Variants in AOPEP observed in about 807,000 individuals in gnomAD.
AOPEP encodes aminopeptidase O (putative), also known as aminopeptidase O.
AOPEP carries 77 observed loss-of-function variants against 98.1 expected under a neutral mutation model. That is an observed-to-expected ratio of 0.78 (90% CI 0.65 to 0.95). The LOEUF (loss-of-function observed/expected upper bound fraction) is 0.95, where lower values mean the gene tolerates loss of function less well. AOPEP is among the 40% of genes least tolerant of loss of function. AOPEP has a pLI of 0.00. For synonymous variants in AOPEP, 346 were observed against 365.3 expected, an observed-to-expected ratio of 0.95 and a Z score of 0.60; for missense variants, 1,024 against 1,024.7, an observed-to-expected ratio of 1.00 and a Z score of 0.01.
intron 9 of AOPEP, among the ~76,000 whole-genome samples, chr9:94,957,082 GAC>G (rs2058510116): frequency 6.6e-6 from 1 of 152,196 alleles, no homozygotes; most frequent in African/African-American, 2.4e-5. Flanking sequence ...CTCACCAAGA[GAC>G]TGCAGTGTTA....
chr9:95,052,121 C>T (rs2066430590), intron 13 of AOPEP, among the ~76,000 whole-genome samples: 1 of 152,142 alleles, frequency 6.6e-6, no homozygotes, highest in South Asian at 2.1e-4. Context: ...TTAATAAATT[C>T]TTTTAAATCA....
intron 11 of AOPEP, among the ~76,000 whole-genome samples, chr9:94,999,060 T>C (rs1175848475): frequency 6.6e-6 from 1 of 152,130 alleles, no homozygotes; most frequent in African/African-American, 2.4e-5. Context: ...TTCTAAACGT[T>C]GTTAATGGAG....
intron 9 of AOPEP, among the ~76,000 whole-genome samples, chr9:94,963,438 T>G (rs1448571390): frequency 6.6e-6 from 1 of 152,188 alleles, no homozygotes; most frequent in African/African-American, 2.4e-5. Flanking sequence ...CTGTATGCGA[T>G]GGACCTGATT....
At chr9:94,755,244 C>A (rs1336647379) in intron 1 of AOPEP, among the ~76,000 whole-genome samples, 1 of 152,120 alleles carries the variant, frequency 6.6e-6, no homozygotes, top group Non-Finnish European at 1.5e-5. Context: ...TGAATTGGAG[C>A]ACAGTAATAG....
At chr9:94,885,462 C>T (rs550666070) in intron 5 of AOPEP, among the ~76,000 whole-genome samples, 1 of 144,902 alleles carries the variant, frequency 6.9e-6, no homozygotes, top group South Asian at 2.3e-4. Context: ...TTACTGAATG[C>T]ACGTGGCTAA....
At chr9:95,053,827 C>T (rs1047617585) in intron 13 of AOPEP, among the ~76,000 whole-genome samples, 6 of 152,122 alleles carry the variant, frequency 3.9e-5, no homozygotes, top group African/African-American at 1.4e-4. Flanking sequence ...TCAGATGATC[C>T]TCCCACTTCA....
At chr9:94,928,269 A>G (rs1197048825) in intron 6 of AOPEP, among the ~76,000 whole-genome samples, 156 bp from the exon 7 acceptor site, 1 of 152,212 alleles carries the variant, frequency 6.6e-6, no homozygotes, top group Non-Finnish European at 1.5e-5. Flanking sequence ...TTTAGGCACT[A>G]AGAGGCTCCA....
intron 13 of AOPEP, among the ~76,000 whole-genome samples, chr9:95,012,991 G>GT (rs1044752747): frequency 1.4e-5 from 2 of 139,702 alleles, no homozygotes; most frequent in South Asian, 2.5e-4. Flanking sequence ...TTTTTTTGGG[G>GT]GGGGGGGCAG....
the AOPEP span, among the ~76,000 whole-genome samples, chr9:95,095,789 C>T: frequency 1.3e-5 from 2 of 152,146 alleles, no homozygotes; most frequent in East Asian, 3.9e-4. Context: ...AGCTCCCCTT[C>T]CTCCCTCCAA....
chr9:94,932,065 C>T (rs72750310), intron 7 of AOPEP: 12 of 1,111,548 alleles, frequency 1.1e-5, no homozygotes, highest in Middle Eastern at 3.8e-4. Flanking sequence ...AACCCAGGGA[C>T]GGAAACTCTT....
chr9:95,126,777 G>A, the AOPEP span: 1 of 602,932 alleles, frequency 1.7e-6, no homozygotes, highest in South Asian at 1.8e-5. Context: ...CCCTGGGCAG[G>A]GGTTACAGGC....
intron 11 of AOPEP, among the ~76,000 whole-genome samples, chr9:94,997,859 A>G (rs2061336851): frequency 6.6e-6 from 1 of 151,902 alleles, no homozygotes; most frequent in Admixed American, 6.6e-5. Flanking sequence ...GTGCCCAGCT[A>G]ATTTTTTATT....
chr9:94,854,105 T>C (rs965726324), intron 5 of AOPEP, among the ~76,000 whole-genome samples: 1 of 152,124 alleles, frequency 6.6e-6, no homozygotes, highest in Non-Finnish European at 1.5e-5. Context: ...GTAAGTTGGG[T>C]CAGTGGCAAC....
intron 13 of AOPEP, among the ~76,000 whole-genome samples, chr9:95,028,339 C>T (rs1012622566): frequency 2.1e-4 from 32 of 152,246 alleles, no homozygotes; most frequent in African/African-American, 6.3e-4. Context: ...GCTTTGTGAT[C>T]GGGGTGCTTT....
chr9:95,005,631 GACGGT>G lies in AOPEP; in HGVS notation c.2115+18_2115+22del. On this transcript the variant is annotated intron_variant, in intron 13 of 16. Transcript: ENST00000375315. ...TGTTTGAAAAGGTAGGGGTTCCCGA[GACGGT>G]ACTCGGTGCAGGTCTTGGTAAATCC... is the stretch of plus-strand genomic sequence containing the variant. 1 of 1,611,360 alleles carries G rather than the reference GACGGT, an allele frequency of 6.2e-7. No homozygotes were observed. The highest frequency in any genetic ancestry group is 8.5e-7 in the Non-Finnish European group (1 of 1,177,522).
chr9:94,868,452 G>A (rs925873105), intron 5 of AOPEP, among the ~76,000 whole-genome samples: 4 of 152,176 alleles, frequency 2.6e-5, no homozygotes, highest in Admixed American at 2.6e-4. Flanking sequence ...CGTGCATTGA[G>A]GGTCCACTGG....
chr9:94,840,282 A>G (rs1447413210), intron 5 of AOPEP, among the ~76,000 whole-genome samples: 2 of 152,190 alleles, frequency 1.3e-5, no homozygotes, highest in Non-Finnish European at 2.9e-5. Context: ...TAGGCTGTCA[A>G]TATGTTGGAT....
At chr9:94,865,780 C>T (rs1010996323) in intron 5 of AOPEP, among the ~76,000 whole-genome samples, 1 of 152,206 alleles carries the variant, frequency 6.6e-6, no homozygotes, top group Non-Finnish European at 1.5e-5. Context: ...TGACCTAAAA[C>T]AGACAGATGT....
intron 7 of AOPEP, among the ~76,000 whole-genome samples, chr9:94,951,943 C>G (rs2058127988): frequency 6.6e-6 from 1 of 152,220 alleles, no homozygotes; most frequent in Non-Finnish European, 1.5e-5. Flanking sequence ...CAGCAGACAT[C>G]TGCTTTTTTC....
Sources: gnomAD v4.1 joint callset for allele counts (sites outside exome capture counted in the v4.1 genomes callset) on GRCh38, gnomAD v4.1.1 for gene constraint, MANE v1.5 for transcripts, NCBI Gene and HGNC (gene_info 2026-07-23, HGNC 2026-07-21) for gene names.